The following GIT2 variants were observed in gnomAD, a reference collection of about 807,000 sequenced individuals.
The protein encoded by GIT2 is ARF GTPase-activating protein GIT2.
GIT2 carries 32 observed loss-of-function variants against 100.3 expected under a neutral mutation model. The ratio of observed to expected loss-of-function variants is 0.32; its 90% CI spans 0.24 to 0.43. GIT2 has a LOEUF of 0.43. Ranked by LOEUF, GIT2 falls within the 20% of genes least tolerant of loss-of-function variation. The probability of loss-of-function intolerance (pLI) is 1.00; values close to 1 mark genes in which losing one functional copy is unlikely to be tolerated. For synonymous variants in GIT2, 353 were observed against 364.1 expected (o/e 0.97, Z 0.35); for missense variants, 737 against 975.1 (o/e 0.76, Z 3.25).
At chr12:109,991,896 C>T in intron 1 of GIT2, 136 bp from the exon 2 acceptor site, 2 of 688,436 alleles carry the variant, frequency 2.9e-6, no homozygotes, top group Admixed American at 2.7e-5. Flanking sequence ...ATGCATCAGG[C>T]TGGTCATCTT....
chr12:109,935,700 AAG>A (rs1366310139), intron 18 of GIT2, among the ~76,000 whole-genome samples: 3 of 152,190 alleles, frequency 2.0e-5, no homozygotes, highest in Non-Finnish European at 4.4e-5. Flanking sequence ...CCAGCCAGTG[AAG>A]AGTTTTATAT....
At chr12:109,969,752 C>G (rs1414897825) in intron 7 of GIT2, among the ~76,000 whole-genome samples, 1 of 151,312 alleles carries the variant, frequency 6.6e-6, no homozygotes, top group Non-Finnish European at 1.5e-5. Context: ...AAGATTTTCT[C>G]TTATGTTTTC....
At chr12:109,991,942 C>T in intron 1 of GIT2, 182 bp from the exon 2 acceptor site, 1 of 546,766 alleles carries the variant, frequency 1.8e-6, no homozygotes. Flanking sequence ...TGATTAGGTA[C>T]AATGTTAATT....
At chr12:109,974,969 C>T (rs1222913615) in intron 7 of GIT2, among the ~76,000 whole-genome samples, 1 of 152,130 alleles carries the variant, frequency 6.6e-6, no homozygotes, top group Admixed American at 6.6e-5. Context: ...ACATTTAGAA[C>T]TATTATGCCT....
intron 13 of GIT2, among the ~76,000 whole-genome samples, chr12:109,951,522 T>C (rs1055250653): frequency 6.6e-6 from 1 of 152,242 alleles, no homozygotes; most frequent in African/African-American, 2.4e-5. Flanking sequence ...TATTTTCTAA[T>C]AGAACAGGCA....
chr12:109,961,419 G>T, intron 10 of GIT2, 44 bp from the exon 11 acceptor site: 3 of 1,234,034 alleles, frequency 2.4e-6, no homozygotes, highest in Non-Finnish European at 3.6e-6. Flanking sequence ...TCACGCCTGT[G>T]TGCCACTGCT....
intron 18 of GIT2, among the ~76,000 whole-genome samples, chr12:109,938,175 G>C (rs868251913): frequency 5.9e-5 from 9 of 151,792 alleles, no homozygotes; most frequent in South Asian, 2.1e-4. Context: ...TTCGTAACAA[G>C]ATGAAAAAAA....
chr12:109,950,197 T>G (rs1456573260), intron 14 of GIT2, among the ~76,000 whole-genome samples: 1 of 152,250 alleles, frequency 6.6e-6, no homozygotes, highest in Non-Finnish European at 1.5e-5. Flanking sequence ...CATGGGCCCC[T>G]TTTTAGTTCT....
Position 109,933,154 on chromosome 12 carries a change from A to C in GIT2, c.2104T>G (p.Leu702Val). 6.3e-7 allele frequency: 1 copy of C among 1,582,684 alleles called. No individual in the cohort carries two copies. Among genetic ancestry groups the C allele is most frequent in the Non-Finnish European group, 8.6e-7 (1 of 1,163,230 alleles). ...AGTCGGTAGGCACTGGACGTCAGTA[A>C]ACGAAGGGAAGTCCTCACCATATCA... is the stretch of plus-strand genomic sequence containing the variant. Reference protein sequence around the residue: ...KSDMVRTSLRLLTSSAYRLQS... With the variant: ...KSDMVRTSLRVLTSSAYRLQS... Residue 702 changes from leucine to valine, a missense_variant, in exon 20 of 20, where the codon TTA (leucine) becomes GTA (valine). Transcript: ENST00000355312. This position sits in a 1 kb window ranked among gnomAD's most constrained non-coding sequence, Gnocchi z 4.5.
rs372122614 is a variant in GIT2 at position 109,990,739 on chromosome 12, A to G, written c.186+888T>C. 8.5e-5 allele frequency among the ~76,000 whole-genome samples: 13 copies of G among 152,404 alleles called. No homozygotes were observed. The East Asian group carries it at 2.5e-3, about 29-fold the overall frequency. On this transcript the variant is annotated intron_variant, in intron 2 of 19. Transcript: ENST00000355312. Reference sequence around the variant, plus strand: ...GTACCCCAAGATAGAAGTAAAGGTGACATGACATTGGACTCCAGATAAAAC... The same window carrying G: ...GTACCCCAAGATAGAAGTAAAGGTGGCATGACATTGGACTCCAGATAAAAC...
chr12:109,999,792 G>A (rs578162949), upstream of GIT2: 321 of 1,529,786 alleles, frequency 2.1e-4, 2 homozygotes, highest in East Asian at 8.2e-3. This position sits in a 1 kb window ranked among gnomAD's most constrained non-coding sequence, Gnocchi z 4.3. Flanking sequence ...CAGGTGAGGG[G>A]CGGGGCGGGG....
In GIT2 at chr12:109,947,097, C is replaced by A. The variant is rs140792355; in HGVS notation, c.1641+159G>T. Among the ~76,000 whole-genome samples, 246 of 152,232 alleles carry A rather than the reference C, an allele frequency of 1.6e-3. 5 individuals are homozygous for A. The East Asian group carries it at 0.034, about 21-fold the overall frequency. The stretch of plus-strand genomic sequence containing the variant: ...TGGCCCTGTGTGCTTGTGGGAATAT[C>A]GCAAGCATCTGTGGACATGTTAATA... On this transcript the variant is annotated intron_variant, in intron 15 of 19. Coordinates refer to ENST00000355312, the MANE Select transcript of GIT2 (RefSeq NM_057169.5). The surrounding 1 kb of genome is among the most constrained non-coding windows in gnomAD (Gnocchi z 4.3).
intron 17 of GIT2, 173 bp from the exon 18 acceptor site, chr12:109,938,741 TC>T: frequency 1.8e-6 from 1 of 550,760 alleles, no homozygotes; most frequent in Non-Finnish European, 3.2e-6. Context: ...GCTATTTCAC[TC>T]TACCATAGGG....
At chr12:109,970,880 C>T (rs1384364413) in intron 7 of GIT2, among the ~76,000 whole-genome samples, 1 of 152,116 alleles carries the variant, frequency 6.6e-6, no homozygotes, top group East Asian at 1.9e-4. Flanking sequence ...GCCTCAACCT[C>T]CTGGGCTCAG....
intron 12 of GIT2, chr12:109,953,779 T>A (rs947970309): frequency 6.6e-6 from 1 of 152,304 alleles, no homozygotes; most frequent in Non-Finnish European, 1.5e-5. Context: ...TCCTCTCATC[T>A]ACCTGCCAAA....
intron 12 of GIT2, among the ~76,000 whole-genome samples, chr12:109,956,309 G>T (rs1257315903): frequency 6.6e-6 from 1 of 152,122 alleles, no homozygotes; most frequent in Admixed American, 6.6e-5. Flanking sequence ...AATCTCCTGG[G>T]CACTCAATTG....
intron 7 of GIT2, among the ~76,000 whole-genome samples, chr12:109,972,966 G>T (rs924508494): frequency 5.3e-5 from 8 of 151,914 alleles, no homozygotes; most frequent in Admixed American, 3.9e-4. Context: ...GGGACTACAG[G>T]CACGTGCCAT....
At chr12:109,991,981 G>A (rs1888482153) in intron 1 of GIT2, 1 of 456,622 alleles carries the variant, frequency 2.2e-6, no homozygotes, top group African/African-American at 2.0e-5. Flanking sequence ...GGGAGCCTTG[G>A]GTAAACAGTT....
chr12:109,966,369 T>C (rs1882396821), intron 8 of GIT2, among the ~76,000 whole-genome samples: 1 of 149,968 alleles, frequency 6.7e-6, no homozygotes, highest in Non-Finnish European at 1.5e-5. Flanking sequence ...ATTAGCCTGG[T>C]GTGGTGGCAC....
Sources: gnomAD v4.1 joint callset for allele counts (sites outside exome capture counted in the v4.1 genomes callset) on GRCh38, gnomAD v4.1.1 for gene constraint, Gnocchi (gnomAD v3.1) non-coding constraint, MANE v1.5 for transcripts, NCBI Gene and HGNC (gene_info 2026-07-23, HGNC 2026-07-21) for gene names.